Variants in DAB2IP observed in about 807,000 individuals in gnomAD.
The protein encoded by DAB2IP is disabled homolog 2-interacting protein.
In DAB2IP, 28 loss-of-function variants were observed where a neutral mutation model predicts 107.2. The ratio of observed to expected loss-of-function variants is 0.26; its 90% CI spans 0.19 to 0.36. DAB2IP has a LOEUF of 0.36. Among genes scored for constraint, DAB2IP ranks in the 10% least tolerant of loss-of-function variants. The probability of loss-of-function intolerance (pLI) is 1.00; values close to 1 mark genes in which losing one functional copy is unlikely to be tolerated. For synonymous variants in DAB2IP, 755 were observed against 706.4 expected (o/e 1.07, Z -1.09); for missense variants, 1,400 against 1,644.7 (o/e 0.85, Z 2.57).
chr9:121,740,192 A>G (rs1832236592), intron 3 of DAB2IP, among the ~76,000 whole-genome samples: 1 of 152,154 alleles, frequency 6.6e-6, no homozygotes, highest in African/African-American at 2.4e-5. Context: ...TCCACAGCGT[A>G]GGTTTACCAG....
exon 16 of DAB2IP, chr9:121,783,011 G>A: frequency 9.8e-7 from 1 of 1,022,718 alleles, no homozygotes; most frequent in Non-Finnish European, 1.2e-6. Flanking sequence ...CAGGCAGGAA[G>A]ATAGGAGGAC....
At chr9:121,742,913 C>T (rs926996074) in intron 3 of DAB2IP, 1 of 985,466 alleles carries the variant, frequency 1.0e-6, no homozygotes, top group African/African-American at 1.7e-5. Context: ...GGTGGGGCAC[C>T]TGTGACAGGT....
Position 121,782,781 on chromosome 9 carries a change from T to C in DAB2IP, c.*283T>C. The C allele has an allele frequency of 7.8e-7, 1 of 1,279,380 alleles. No homozygotes were observed. The allele number at this position is 1,279,380 out of a possible 1,614,324, so 79.3% of individuals were successfully genotyped here. A position where few individuals can be genotyped will look rare whatever the true frequency, so the allele number is the denominator to read the frequency against. Reference sequence around the variant, plus strand: ...GATGGGGCAGGGGGCCTGCCAAAAATATGTCTGTTGGTTCCTGAATGTGGT... The same window carrying C: ...GATGGGGCAGGGGGCCTGCCAAAAACATGTCTGTTGGTTCCTGAATGTGGT... On this transcript the variant is annotated 3_prime_UTR_variant, in exon 16 of 16. Transcript: ENST00000408936. This position sits in a 1 kb window ranked among gnomAD's most constrained non-coding sequence, Gnocchi z 6.1.
Position 121,674,685 on chromosome 9 carries a change from C to T in DAB2IP, c.125-3993C>T, listed in dbSNP as rs560217695. ...ATCATCTGTCGAATGGGAGATTGGA[C>T]CAAGCAACCTCTGAGAGCTTCCTGG... On this transcript the variant is annotated intron_variant, in intron 1 of 15. Transcript: ENST00000408936. Among the ~76,000 whole-genome samples, 5 of 152,200 alleles carry T rather than the reference C, an allele frequency of 3.3e-5. No individual in the cohort carries two copies. The East Asian group carries it at 9.7e-4, about 29-fold the overall frequency.
intron 1 of DAB2IP, among the ~76,000 whole-genome samples, chr9:121,645,041 A>AC (rs35420756): frequency 6.6e-6 from 1 of 152,014 alleles, no homozygotes; most frequent in Non-Finnish European, 1.5e-5. Flanking sequence ...ACCATATGCC[A>AC]CCCCCTCTGG....
chr9:121,737,093 G>A, intron 3 of DAB2IP: 2 of 773,648 alleles, frequency 2.6e-6, no homozygotes, highest in Non-Finnish European at 3.1e-6. Context: ...CGGGGCTTGG[G>A]GCAGGATATG....
rs771507565 is a variant in DAB2IP, at chr9:121,782,419, G to T, written c.3491G>T (p.Arg1164Leu). 1 of 1,613,988 alleles carries T rather than the reference G, an allele frequency of 6.2e-7. No homozygotes were observed. Among genetic ancestry groups the T allele is most frequent in the Non-Finnish European group, 8.5e-7 (1 of 1,179,994 alleles). ...AAAGAGAGGTACAGCATGCAAGCCC[G>T]TAACGGCATCTCCCCCACCAACCCC... is the stretch of plus-strand genomic sequence containing the variant. The change falls in exon 16 of 16, where the codon CGT becomes CTT. Residue 1164 changes from arginine (R) to leucine (L), a missense_variant. Physicochemically the swap from Arg to Leu is moderately radical, Grantham distance 102 (BLOSUM62 -2). This residue lies in a region of DAB2IP where 600 missense variants were observed against 659.1 expected (regional missense o/e 0.91). Coordinates refer to ENST00000408936, the Ensembl canonical transcript of DAB2IP. The surrounding 1 kb of genome is among the most constrained non-coding windows in gnomAD (Gnocchi z 6.1).
At chr9:121,730,178 C>G (rs1831447509) in intron 3 of DAB2IP, among the ~76,000 whole-genome samples, 2 of 152,182 alleles carry the variant, frequency 1.3e-5, no homozygotes, top group African/African-American at 4.8e-5. Context: ...GGCCTAATGA[C>G]TCAAAAATAA....
At chr9:121,770,868 G>A in intron 11 of DAB2IP, 144 bp downstream of exon 11, 1 of 1,133,228 alleles carries the variant, frequency 8.8e-7, no homozygotes, top group Non-Finnish European at 1.2e-6. Context: ...CAGGTCCTAA[G>A]TGGTGAACCT....
chr9:121,752,445 G>A (rs1833187753), intron 3 of DAB2IP, among the ~76,000 whole-genome samples: 1 of 148,926 alleles, frequency 6.7e-6, no homozygotes, highest in Non-Finnish European at 1.5e-5. Flanking sequence ...CCCACAAGGA[G>A]CCCCCTGCCT....
intron 1 of DAB2IP, among the ~76,000 whole-genome samples, chr9:121,600,876 C>G (rs915963503): frequency 6.6e-6 from 1 of 152,114 alleles, no homozygotes. Flanking sequence ...GCGCCTGGCT[C>G]GTAGGACAGC....
intron 1 of DAB2IP, among the ~76,000 whole-genome samples, chr9:121,568,178 G>A (rs1038321671): frequency 6.6e-5 from 10 of 152,138 alleles, no homozygotes; most frequent in African/African-American, 2.2e-4. Context: ...TTGTTTCTCC[G>A]GACTTTCCCC....
intron 1 of DAB2IP, among the ~76,000 whole-genome samples, chr9:121,659,575 C>T (rs908488606): frequency 6.6e-6 from 1 of 152,048 alleles, no homozygotes; most frequent in Non-Finnish European, 1.5e-5. Context: ...GGGCGGATCA[C>T]GAGGTCAGGA....
At chr9:121,757,023 A>G in exon 4 of DAB2IP, 1 of 1,614,106 alleles carries the variant, frequency 6.2e-7, no homozygotes, top group Non-Finnish European at 8.5e-7. Context: ...GTCCCATCTG[A>G]TGCCGAGGCT....
At position 121,662,667 on chromosome 9, in the gene DAB2IP, C is replaced by T. The variant is rs1245112283; in HGVS notation, c.124+10768C>T. ...TAAAGCCACCTACTCTCTCTCCAGG[C>T]ATAACTGGCCACCTAAAGGTGGTGG... On this transcript the variant is annotated intron_variant, in intron 1 of 15. Transcript: ENST00000408936. This position sits in a 1 kb window ranked among gnomAD's most constrained non-coding sequence, Gnocchi z 4.6. Among the ~76,000 whole-genome samples, 1 of 152,238 alleles carries T rather than the reference C, an allele frequency of 6.6e-6. No individual in the cohort carries two copies. The highest frequency in any genetic ancestry group is 1.5e-5 in the Non-Finnish European group (1 of 68,046).
chr9:121,611,526 T>C (rs1295329364), intron 1 of DAB2IP, among the ~76,000 whole-genome samples: 1 of 152,204 alleles, frequency 6.6e-6, no homozygotes, highest in East Asian at 1.9e-4. Flanking sequence ...ATCCTCAGTA[T>C]TCTTAACTAT....
intron 1 of DAB2IP, among the ~76,000 whole-genome samples, chr9:121,573,660 G>A (rs1421728686): frequency 1.3e-5 from 2 of 152,134 alleles, no homozygotes; most frequent in Admixed American, 6.5e-5. Flanking sequence ...TGGGATTAGA[G>A]GTGTGAGCCA....
rs1031231191 is a variant in DAB2IP, at chr9:121,776,226, G to A, written c.3149G>A (p.Arg1050Gln). The stretch of plus-strand genomic sequence containing the variant: ...CTGGCGGTGCTGCAGGACAAGCTGC[G>A]AATCTCCACCAAGAAGCTGGAGGAG... The change falls in exon 14 of 16, where the codon CGA (arginine) becomes CAA (glutamine). Residue 1050 changes from arginine to glutamine, a missense_variant. Arg to Gln is a conservative substitution (Grantham distance 43). Transcript: ENST00000408936. The surrounding 1 kb of genome is among the most constrained non-coding windows in gnomAD (Gnocchi z 5.4). 2.5e-5 allele frequency: 39 copies of A among 1,582,326 alleles called. No individual in the cohort carries two copies. The highest frequency in any genetic ancestry group is 3.2e-5 in the Non-Finnish European group (37 of 1,164,690).
chr9:121,679,939 A>G (rs974283816), intron 2 of DAB2IP, among the ~76,000 whole-genome samples: 2 of 152,206 alleles, frequency 1.3e-5, no homozygotes, highest in African/African-American at 4.8e-5. Context: ...TCTGCTTGCC[A>G]TAGGGCTGGC....
Sources: gnomAD v4.1 joint callset for allele counts (sites outside exome capture counted in the v4.1 genomes callset) on GRCh38, gnomAD v4.1.1 for gene constraint, gnomAD v4.1.1 regional missense constraint, Gnocchi (gnomAD v3.1) non-coding constraint, MANE v1.5 for transcripts, NCBI Gene and HGNC (gene_info 2026-07-23, HGNC 2026-07-21) for gene names.